PDGFD: variants seen among roughly 807,000 people sequenced by gnomAD.
PDGFD encodes platelet-derived growth factor D.
PDGFD carries 30 observed loss-of-function variants against 44.7 expected under a neutral mutation model. The ratio of observed to expected loss-of-function variants is 0.67; its 90% CI spans 0.50 to 0.91. PDGFD has a LOEUF of 0.91. Among genes scored for constraint, PDGFD ranks in the 40% least tolerant of loss-of-function variants. The pLI is 0.00. For missense variants in PDGFD, 445 were observed against 457.8 expected, an observed-to-expected ratio of 0.97 and a Z score of 0.25; for synonymous variants, 173 against 168.4, an observed-to-expected ratio of 1.03 and a Z score of -0.21.
At chr11:104,024,630 G>A (rs1860014251) in intron 1 of PDGFD, among the ~76,000 whole-genome samples, 1 of 152,118 alleles carries the variant, frequency 6.6e-6, no homozygotes, top group African/African-American at 2.4e-5. Flanking sequence ...GAAGCCAAGG[G>A]CTATACCATA....
chr11:103,907,645 T>C lies in PDGFD; in HGVS notation c.*2049A>G, dbSNP rs1857956640. The C allele has an allele frequency of 1.3e-5, 2 of 152,184 alleles. No individual in the cohort carries two copies. Among genetic ancestry groups the C allele is most frequent in the Non-Finnish European group, 2.9e-5 (2 of 68,024 alleles). The allele number at this position is 152,184 out of a possible 1,614,324, so 9.4% of individuals were successfully genotyped here. A position where few individuals can be genotyped will look rare whatever the true frequency, so the allele number is the denominator to read the frequency against. On this transcript the variant is annotated 3_prime_UTR_variant, in exon 7 of 7. Coordinates refer to ENST00000393158, the MANE Select transcript of PDGFD (RefSeq NM_025208.5). ...TTGCTGGTTATTGCAGCCTGGAAGG[T>C]TTATTGAAAACTGGGTAGAACACTC...
At chr11:103,957,561 C>CGCATATCT (rs1431683244) in intron 3 of PDGFD, among the ~76,000 whole-genome samples, 1 of 152,002 alleles carries the variant, frequency 6.6e-6, no homozygotes, top group Non-Finnish European at 1.5e-5. Context: ...GAAATAATGC[C>CGCATATCT]GCATATCTAC....
chr11:104,089,892 T>C (rs361283), intron 1 of PDGFD, among the ~76,000 whole-genome samples: 83,968 of 151,988 alleles, frequency 0.55, 24,578 homozygotes, highest in East Asian at 0.78. Flanking sequence ...GTATAGATTC[T>C]ATTGGTTGAC....
chr11:104,038,029 T>C, intron 1 of PDGFD: 1 of 1,598,640 alleles, frequency 6.3e-7, no homozygotes, highest in South Asian at 1.1e-5. Flanking sequence ...GTTATAAATA[T>C]GTTACCACCT....
rs184515685 is a variant in PDGFD at position 104,157,671 on chromosome 11, G to A, written c.124+6133C>T. On this transcript the variant is annotated intron_variant, in intron 1 of 6. Transcript: ENST00000393158. ...AATCATCCCTGAACTCCTTCAGTCCGGAGAAGGCATGCTGGATTTTAACAT... is the reference window on the plus strand; with the variant it reads ...AATCATCCCTGAACTCCTTCAGTCCAGAGAAGGCATGCTGGATTTTAACAT... Among the ~76,000 whole-genome samples the A allele has an allele frequency of 3.2e-3, 494 of 152,198 alleles. 3 individuals are homozygous for A. The highest frequency in any genetic ancestry group is 5.3e-3 in the Non-Finnish European group (362 of 68,028).
intron 1 of PDGFD, among the ~76,000 whole-genome samples, chr11:104,112,051 A>G (rs1224055639): frequency 6.6e-6 from 1 of 152,202 alleles, no homozygotes; most frequent in Admixed American, 6.6e-5. Flanking sequence ...CAATTTTGTC[A>G]CTTGCATGAT....
intron 6 of PDGFD, among the ~76,000 whole-genome samples, chr11:103,921,605 A>T (rs908290575): frequency 8.3e-6 from 1 of 120,558 alleles, no homozygotes; most frequent in Non-Finnish European, 1.7e-5. Context: ...ACTGAAAAGT[A>T]AAAAAAAAAA....
chr11:103,979,372 G>C (rs260832), intron 3 of PDGFD, among the ~76,000 whole-genome samples: 79,371 of 151,736 alleles, frequency 0.52, 21,279 homozygotes, highest in African/African-American at 0.63. Context: ...TTCCAGATCA[G>C]CTTCTCTTTC....
At chr11:104,118,752 AG>A (rs1477523698) in intron 1 of PDGFD, among the ~76,000 whole-genome samples, 1 of 119,296 alleles carries the variant, frequency 8.4e-6, no homozygotes, top group Non-Finnish European at 1.6e-5. Flanking sequence ...ATTATTATAT[AG>A]TATATATTAT....
intron 1 of PDGFD, among the ~76,000 whole-genome samples, chr11:104,003,449 C>G (rs1235793114): frequency 6.6e-6 from 1 of 152,180 alleles, no homozygotes; most frequent in Non-Finnish European, 1.5e-5. Context: ...ATGCCTGGAG[C>G]ATCAAGGTCT....
intron 6 of PDGFD, 81 bp downstream of exon 6, chr11:103,926,831 C>T: frequency 1.4e-6 from 2 of 1,423,138 alleles, no homozygotes; most frequent in Non-Finnish European, 1.9e-6. Context: ...AGTGAACAAC[C>T]TGAACAACTG....
chr11:104,088,149 C>T (rs1207616429), intron 1 of PDGFD, among the ~76,000 whole-genome samples: 1 of 152,182 alleles, frequency 6.6e-6, no homozygotes, highest in Non-Finnish European at 1.5e-5. Context: ...TCCTTTAATG[C>T]AGGGTTTATG....
In PDGFD at chr11:104,116,323, G is replaced by A. The variant is rs953549304; in HGVS notation, c.124+47481C>T. Reference sequence around the variant, plus strand: ...ACCTTATGCTTTTGTTTGCTTTGTCGAAGATCAGTTGACTGTAAGTATTTG... The same window carrying A: ...ACCTTATGCTTTTGTTTGCTTTGTCAAAGATCAGTTGACTGTAAGTATTTG... On this transcript the variant is annotated intron_variant, in intron 1 of 6. Coordinates refer to ENST00000393158, the MANE Select transcript of PDGFD (RefSeq NM_025208.5). Among the ~76,000 whole-genome samples the A allele has an allele frequency of 1.1e-4, 17 of 151,932 alleles. No individual in the cohort carries two copies. In the East Asian group the frequency reaches 2.7e-3, roughly 24 times the overall value.
intron 3 of PDGFD, among the ~76,000 whole-genome samples, chr11:103,953,212 A>T (rs890870562): frequency 5.3e-5 from 8 of 152,170 alleles, no homozygotes; most frequent in African/African-American, 1.9e-4. Flanking sequence ...GTATATATAC[A>T]AAATGTTATA....
At chr11:104,044,069 G>C (rs1224567208) in intron 1 of PDGFD, among the ~76,000 whole-genome samples, 1 of 152,180 alleles carries the variant, frequency 6.6e-6, no homozygotes, top group Non-Finnish European at 1.5e-5. Flanking sequence ...ACAATGAGTC[G>C]ATTGGATGAA....
At chr11:104,039,605 G>GTTT (rs1727421643) in intron 1 of PDGFD, among the ~76,000 whole-genome samples, 1 of 151,998 alleles carries the variant, frequency 6.6e-6, no homozygotes, top group Non-Finnish European at 1.5e-5. Flanking sequence ...TTTATACCCA[G>GTTT]TAGAACTACT....
chr11:104,017,818 G>GT (rs1459867588), intron 1 of PDGFD, among the ~76,000 whole-genome samples: 1 of 152,166 alleles, frequency 6.6e-6, no homozygotes, highest in Admixed American at 6.5e-5. Flanking sequence ...CTTGGAGAAA[G>GT]TAAGTACGCG....
intron 3 of PDGFD, among the ~76,000 whole-genome samples, chr11:103,954,035 T>C (rs1316048676): frequency 6.6e-6 from 1 of 152,244 alleles, no homozygotes; most frequent in African/African-American, 2.4e-5. Context: ...AAAGCAAATA[T>C]AGCTGGGGCT....
chr11:104,085,466 C>T lies in PDGFD; in HGVS notation c.124+78338G>A, dbSNP rs749582027. On this transcript the variant is annotated intron_variant, in intron 1 of 6. Transcript: ENST00000393158. ...TTTGTTTACCCATTCATTCACTGAA[C>T]GACATTTCTGTTCCCTTTACACTCC... Among the ~76,000 whole-genome samples, 22 of 152,188 alleles carry T rather than the reference C, an allele frequency of 1.4e-4. No homozygotes were observed. The South Asian group carries it at 1.7e-3, about 11-fold the overall frequency.
Sources: gnomAD v4.1 joint callset for allele counts (sites outside exome capture counted in the v4.1 genomes callset) on GRCh38, gnomAD v4.1.1 for gene constraint, MANE v1.5 for transcripts, NCBI Gene and HGNC (gene_info 2026-07-23, HGNC 2026-07-21) for gene names.